The following ATP2B2 variants were observed in gnomAD, a reference collection of about 807,000 sequenced individuals.
The protein encoded by ATP2B2 is ATPase plasma membrane Ca2+ transporting 2.
ATP2B2 carries 15 observed loss-of-function variants against 120.0 expected under a neutral mutation model. The ratio of observed to expected loss-of-function variants is 0.12; its 90% confidence interval spans 0.08 to 0.19. The LOEUF (loss-of-function observed/expected upper bound fraction) is 0.19, where lower values mean the gene tolerates loss of function less well. ATP2B2 is among the 10% of genes least tolerant of loss of function. The pLI is 1.00. For synonymous variants in ATP2B2, 694 were observed against 700.3 expected (o/e 0.99, Z 0.14); for missense variants, 1,045 against 1,719.8 (o/e 0.61, Z 6.94).
intron 1 of ATP2B2, among the ~76,000 whole-genome samples, chr3:10,655,818 C>T (rs1011997062): frequency 2.0e-5 from 3 of 152,158 alleles, no homozygotes; most frequent in Non-Finnish European, 2.9e-5. Flanking sequence ...AAGAGAAAAC[C>T]TCCCTCATAA....
At chr3:10,628,264 C>T (rs34837611) in intron 1 of ATP2B2, among the ~76,000 whole-genome samples, 70,633 of 151,784 alleles carry the variant, frequency 0.47, 18,248 homozygotes, top group Middle Eastern at 0.62. Context: ...GAAGTCTGGC[C>T]GCTGTGGGTA....
chr3:10,464,910 C>T (rs144204172), intron 1 of ATP2B2, among the ~76,000 whole-genome samples: 8 of 152,312 alleles, frequency 5.3e-5, no homozygotes, highest in Non-Finnish European at 1.0e-4. Flanking sequence ...GGGCTCAGGC[C>T]CAAGGCCAGT....
chr3:10,577,482 AG>A (rs2125555068), intron 2 of ATP2B2, among the ~76,000 whole-genome samples: 1 of 152,316 alleles, frequency 6.6e-6, no homozygotes, highest in South Asian at 2.1e-4. Flanking sequence ...CAAGGCCATC[AG>A]GGGATCCCAG....
At chr3:10,376,561 G>A (rs1049000636) in intron 10 of ATP2B2, among the ~76,000 whole-genome samples, 19 of 152,200 alleles carry the variant, frequency 1.2e-4, no homozygotes, top group African/African-American at 4.6e-4. Flanking sequence ...TTCCTCTTCA[G>A]TTTAGCATGC....
chr3:10,327,076 G>A lies in ATP2B2; in HGVS notation c.*1738C>T, dbSNP rs941277223. On this transcript the variant is annotated 3_prime_UTR_variant, in exon 23 of 23. Transcript: ENST00000360273. ...CAAGTTTATGGAAAAAAGATCATAT[G>A]CTGAAAAGTCTCAAAGCAAACTTTG... 1 of 387,008 alleles carries A rather than the reference G, an allele frequency of 2.6e-6. No homozygotes were observed. The highest frequency in any genetic ancestry group is 4.6e-6 in the Non-Finnish European group (1 of 219,300). The allele number at this position is 387,008 out of a possible 1,614,324, so 24.0% of individuals were successfully genotyped here. A position where few individuals can be genotyped will look rare whatever the true frequency, so the allele number is the denominator to read the frequency against.
At chr3:10,400,307 ACT>A (rs1224533040) in intron 5 of ATP2B2, among the ~76,000 whole-genome samples, 5 of 151,646 alleles carry the variant, frequency 3.3e-5, no homozygotes, top group African/African-American at 7.3e-5. Flanking sequence ...TGGCCTCTCC[ACT>A]CTCTCTATTT....
chr3:10,384,067 A>G (rs767523275), intron 8 of ATP2B2, among the ~76,000 whole-genome samples: 7 of 152,140 alleles, frequency 4.6e-5, no homozygotes, highest in Non-Finnish European at 8.8e-5. Context: ...TGTGCCTGAA[A>G]TAGAGCCATA....
intron 2 of ATP2B2, among the ~76,000 whole-genome samples, chr3:10,420,116 G>A (rs984665944): frequency 6.6e-6 from 1 of 152,236 alleles, no homozygotes; most frequent in Non-Finnish European, 1.5e-5. Context: ...GTGTGCAGAC[G>A]CGGGCACACA....
intron 1 of ATP2B2, among the ~76,000 whole-genome samples, chr3:10,703,284 C>T (rs552562157): frequency 6.6e-6 from 1 of 152,284 alleles, no homozygotes; most frequent in East Asian, 1.9e-4. Context: ...GAGTCCTGCG[C>T]GCAGAAAGCT....
At position 10,325,520 on chromosome 3, in the gene ATP2B2, C is replaced by T. The variant is rs1031894207; in HGVS notation, c.*3294G>A. 2.0e-5 allele frequency: 2 copies of T among 100,400 alleles called. No individual in the cohort carries two copies. The highest frequency in any genetic ancestry group is 4.0e-5 in the Non-Finnish European group (2 of 50,424). The allele number at this position is 100,400 out of a possible 1,614,324, so 6.2% of individuals were successfully genotyped here. ...CTTCCAACAACTGGAGGACCCAGGA[C>T]AAGACAGGTTCAGAGTCCTTTGAGC... is the stretch of plus-strand genomic sequence containing the variant. On this transcript the variant is annotated 3_prime_UTR_variant, in exon 23 of 23. Transcript: ENST00000360273.
At chr3:10,437,368 C>T (rs1405210021) in intron 2 of ATP2B2, among the ~76,000 whole-genome samples, 3 of 152,156 alleles carry the variant, frequency 2.0e-5, no homozygotes, top group African/African-American at 7.2e-5. Context: ...CTTCTCACAG[C>T]CCAGGAATAA....
chr3:10,664,234 T>C (rs2070865744), intron 1 of ATP2B2, among the ~76,000 whole-genome samples: 1 of 152,128 alleles, frequency 6.6e-6, no homozygotes, highest in Non-Finnish European at 1.5e-5. Context: ...CCCCGCAGCA[T>C]GTTTCTAATG....
chr3:10,486,342 T>TGTG (rs1559398979), intron 1 of ATP2B2, among the ~76,000 whole-genome samples: 3 of 151,892 alleles, frequency 2.0e-5, no homozygotes, highest in Non-Finnish European at 2.9e-5. Context: ...TGTGTGTGTG[T>TGTG]GTGTGTGTGT....
chr3:10,504,779 T>C (rs562943206), intron 1 of ATP2B2, among the ~76,000 whole-genome samples: 1 of 152,208 alleles, frequency 6.6e-6, no homozygotes, highest in African/African-American at 2.4e-5. Context: ...GCCTAGGAAG[T>C]GGGCTTCTGG....
chr3:10,610,386 T>G (rs1218964787), intron 2 of ATP2B2, among the ~76,000 whole-genome samples: 1 of 151,842 alleles, frequency 6.6e-6, no homozygotes, highest in African/African-American at 2.4e-5. Flanking sequence ...TTTGAGCCCC[T>G]TTCAAATACA....
chr3:10,617,517 T>C (rs2069425199), intron 2 of ATP2B2, among the ~76,000 whole-genome samples: 1 of 152,240 alleles, frequency 6.6e-6, no homozygotes, highest in Non-Finnish European at 1.5e-5. Flanking sequence ...TGCTCAGCAT[T>C]CTGTGGAGTG....
At chr3:10,582,839 C>T (rs2068422869) in intron 2 of ATP2B2, among the ~76,000 whole-genome samples, 3 of 152,240 alleles carry the variant, frequency 2.0e-5, no homozygotes, top group Admixed American at 6.5e-5. Flanking sequence ...ACACCAAGGG[C>T]AGCCACACCA....
chr3:10,657,078 A>G (rs751868362), intron 1 of ATP2B2, among the ~76,000 whole-genome samples: 4 of 152,230 alleles, frequency 2.6e-5, no homozygotes, highest in Admixed American at 6.5e-5. Flanking sequence ...TTTTTGGAGA[A>G]GATGCTCAGT....
At chr3:10,675,055 G>T (rs1162151482) in intron 1 of ATP2B2, among the ~76,000 whole-genome samples, 1 of 152,182 alleles carries the variant, frequency 6.6e-6, no homozygotes, top group Non-Finnish European at 1.5e-5. Flanking sequence ...TTGTCAAGTT[G>T]TTTCCCAATG....
Sources: allele counts gnomAD v4.1 joint callset (sites outside exome capture counted in the v4.1 genomes callset), GRCh38; gene constraint gnomAD v4.1.1; transcripts MANE v1.5; gene names NCBI Gene and HGNC (gene_info 2026-07-23, HGNC 2026-07-21).